Variants in METTL15 observed in about 807,000 individuals in gnomAD.
METTL15 encodes the protein methyltransferase 15, mitochondrial 12S rRNA N4-cytidine, also known as 12S rRNA N(4)-cytidine methyltransferase METTL15.
METTL15 carries 34 observed loss-of-function variants against 38.3 expected under a neutral mutation model. The observed-to-expected ratio is 0.89, with a 90% CI of 0.68 to 1.18. The LOEUF is 1.18. Among genes scored for constraint, METTL15 ranks in the 50% most tolerant of loss-of-function variants. The pLI, the probability that METTL15 is intolerant of heterozygous loss-of-function variation, is 0.00. For synonymous variants in METTL15, 162 were observed against 170.9 expected, an observed-to-expected ratio of 0.95 and a Z score of 0.41; for missense variants, 438 against 498.4, an observed-to-expected ratio of 0.88 and a Z score of 1.15.
chr11:28,141,256 G>T (rs1028943298), intron 3 of METTL15, among the ~76,000 whole-genome samples: 1 of 152,162 alleles, frequency 6.6e-6, no homozygotes, highest in Non-Finnish European at 1.5e-5. Context: ...GTCAGTATCT[G>T]GGTGCAGGTG....
At chr11:28,109,068 C>T (rs1394464280) in intron 1 of METTL15, among the ~76,000 whole-genome samples, 1 of 152,110 alleles carries the variant, frequency 6.6e-6, no homozygotes, top group Non-Finnish European at 1.5e-5. Flanking sequence ...CCTCTTGGAG[C>T]TTATATTTTG....
intron 3 of METTL15, among the ~76,000 whole-genome samples, chr11:28,155,422 A>G (rs1405443882): frequency 6.6e-6 from 1 of 152,206 alleles, no homozygotes; most frequent in Non-Finnish European, 1.5e-5. Flanking sequence ...GTCCAGGAAC[A>G]TGGACCTTAT....
intron 5 of METTL15, among the ~76,000 whole-genome samples, chr11:28,418,870 C>T (rs1850796154): frequency 6.6e-6 from 1 of 152,120 alleles, no homozygotes; most frequent in South Asian, 2.1e-4. Flanking sequence ...AACATTTCGA[C>T]CAGCCCTAGC....
At chr11:28,150,876 T>C (rs960643156) in intron 3 of METTL15, among the ~76,000 whole-genome samples, 5 of 151,708 alleles carry the variant, frequency 3.3e-5, no homozygotes, top group Non-Finnish European at 7.4e-5. Context: ...GCTGAAATAC[T>C]CCCACACCAT....
chr11:28,263,331 A>G (rs1224407607), intron 4 of METTL15, among the ~76,000 whole-genome samples: 3 of 152,114 alleles, frequency 2.0e-5, no homozygotes, highest in Non-Finnish European at 4.4e-5. Flanking sequence ...TTATTGGCAT[A>G]CCTTTTACCT....
intron 5 of METTL15, among the ~76,000 whole-genome samples, chr11:28,386,934 A>G (rs1689453117): frequency 6.6e-6 from 1 of 152,004 alleles, no homozygotes; most frequent in South Asian, 2.1e-4. Flanking sequence ...GTATGTGAAA[A>G]TTAAGAACAC....
At chr11:28,207,864 C>G (rs1265477235) in intron 3 of METTL15, among the ~76,000 whole-genome samples, 3 of 152,094 alleles carry the variant, frequency 2.0e-5, no homozygotes, top group Non-Finnish European at 4.4e-5. Flanking sequence ...AGGAATTTAT[C>G]CATTTCTTCT....
chr11:28,150,499 AAATT>A (rs1422889947), intron 3 of METTL15, among the ~76,000 whole-genome samples: 2 of 151,976 alleles, frequency 1.3e-5, no homozygotes, highest in Admixed American at 6.6e-5. Flanking sequence ...ACTGAGAAGA[AAATT>A]AAAAGGAGAA....
intron 4 of METTL15, among the ~76,000 whole-genome samples, chr11:28,228,311 C>T (rs919207583): frequency 4.6e-5 from 7 of 151,364 alleles, no homozygotes; most frequent in Non-Finnish European, 1.0e-4. Context: ...CTTTTAACTT[C>T]AGCTCTGCTA....
intron 3 of METTL15, among the ~76,000 whole-genome samples, chr11:28,116,337 T>G (rs1237268019): frequency 6.6e-6 from 1 of 152,220 alleles, no homozygotes; most frequent in South Asian, 2.1e-4. Flanking sequence ...TTAAAGATAA[T>G]TTAATGCTTA....
chr11:28,369,276 A>G (rs1000886243), intron 5 of METTL15, among the ~76,000 whole-genome samples: 2 of 152,010 alleles, frequency 1.3e-5, no homozygotes, highest in Admixed American at 1.3e-4. Context: ...AGAAAAAAGG[A>G]TAAAGAAGAA....
At chr11:28,492,168 G>A (rs1228563160) in intron 6 of METTL15, among the ~76,000 whole-genome samples, 2 of 152,180 alleles carry the variant, frequency 1.3e-5, no homozygotes, top group African/African-American at 2.4e-5. Flanking sequence ...GCTGACGCTG[G>A]TGTTACATGA....
intron 5 of METTL15, among the ~76,000 whole-genome samples, chr11:28,405,504 C>T (rs1380555917): frequency 6.6e-6 from 1 of 151,112 alleles, no homozygotes; most frequent in East Asian, 1.9e-4. Context: ...TCTCAGGTTA[C>T]TTAGTGCACA....
intron 4 of METTL15, among the ~76,000 whole-genome samples, chr11:28,359,351 G>T (rs1850116610): frequency 6.6e-6 from 1 of 152,186 alleles, no homozygotes; most frequent in Non-Finnish European, 1.5e-5. Flanking sequence ...CACCTAGGTT[G>T]ATGCCATGTC....
chr11:28,158,903 G>A (rs1203446039), intron 3 of METTL15, among the ~76,000 whole-genome samples: 1 of 152,144 alleles, frequency 6.6e-6, no homozygotes, highest in Non-Finnish European at 1.5e-5. Flanking sequence ...TTCTCCAGAA[G>A]GCTGTGTGTG....
chr11:28,456,308 G>A (rs969008305), intron 6 of METTL15, among the ~76,000 whole-genome samples: 1 of 152,098 alleles, frequency 6.6e-6, no homozygotes, highest in Non-Finnish European at 1.5e-5. Context: ...ATGTCCCACT[G>A]CTACTGCACG....
chr11:28,209,942 T>G (rs545418419), intron 3 of METTL15, among the ~76,000 whole-genome samples: 4 of 152,124 alleles, frequency 2.6e-5, no homozygotes, highest in Admixed American at 6.6e-5. Flanking sequence ...ATTATTAGAG[T>G]AATTGTTTTA....
rs750677915 is a variant in METTL15, at chr11:28,359,803, G to T, written c.*259-2134G>T. Reference sequence around the variant, plus strand: ...TCTGTAAAATAATAACTCTGGTAAGGTTACCAGATCATTTACACTGTGATA... The same window carrying T: ...TCTGTAAAATAATAACTCTGGTAAGTTTACCAGATCATTTACACTGTGATA... On this transcript the variant is annotated intron_variant and NMD_transcript_variant, in intron 4 of 7. Transcript: ENST00000532947. 4.6e-5 allele frequency among the ~76,000 whole-genome samples: 7 copies of T among 152,114 alleles called. No individual in the cohort carries two copies. In the South Asian group the frequency reaches 1.3e-3, roughly 27 times the overall value.
chr11:28,122,102 T>G, intron 3 of METTL15: 1 of 1,187,702 alleles, frequency 8.4e-7, no homozygotes, highest in Non-Finnish European at 1.1e-6. Context: ...AACTCCATCT[T>G]ACTCACTCAA....
Sources: allele counts gnomAD v4.1 joint callset (sites outside exome capture counted in the v4.1 genomes callset), GRCh38; gene constraint gnomAD v4.1.1; transcripts MANE v1.5; gene names NCBI Gene and HGNC (gene_info 2026-07-23, HGNC 2026-07-21).